MAGI2: variants seen among roughly 807,000 people sequenced by gnomAD.
MAGI2 encodes the protein membrane associated guanylate kinase, WW and PDZ domain containing 2, also known as membrane-associated guanylate kinase, WW and PDZ domain-containing protein 2.
MAGI2 carries 35 observed loss-of-function variants against 133.3 expected under a neutral mutation model. The ratio of observed to expected loss-of-function variants is 0.26; its 90% CI spans 0.20 to 0.35. The LOEUF is 0.35. Among genes scored for constraint, MAGI2 ranks in the 10% least tolerant of loss-of-function variants. MAGI2 has a pLI of 1.00. For synonymous variants in MAGI2, 729 were observed against 710.6 expected (o/e 1.03, Z -0.41); for missense variants, 1,636 against 1,863.4 (o/e 0.88, Z 2.25).
chr7:79,294,383 A>C (rs1836748455), intron 1 of MAGI2, among the ~76,000 whole-genome samples: 1 of 151,840 alleles, frequency 6.6e-6, no homozygotes. Flanking sequence ...AAAGCTAGAG[A>C]GGTTCCCATT....
chr7:78,045,520 T>TAATAGAATTAC (rs59794592), intron 21 of MAGI2, among the ~76,000 whole-genome samples: 9,189 of 152,270 alleles, frequency 0.06, 292 homozygotes, highest in African/African-American at 0.088. Flanking sequence ...TTAAGCACTT[T>TAATAGAATTAC]AATAGAATTA....
intron 2 of MAGI2, among the ~76,000 whole-genome samples, chr7:78,754,713 A>T (rs975393543): frequency 3.9e-5 from 6 of 152,216 alleles, no homozygotes; most frequent in African/African-American, 1.4e-4. Context: ...ATTAATTGGA[A>T]AATTAGATTT....
intron 1 of MAGI2, among the ~76,000 whole-genome samples, chr7:79,388,541 G>T (rs991388400): frequency 6.6e-6 from 1 of 151,754 alleles, no homozygotes; most frequent in Non-Finnish European, 1.5e-5. Context: ...TTAAGGAAAA[G>T]AATATTCAAA....
chr7:79,042,770 A>G (rs1224694402), intron 1 of MAGI2, among the ~76,000 whole-genome samples: 4 of 152,140 alleles, frequency 2.6e-5, no homozygotes, highest in African/African-American at 9.7e-5. Flanking sequence ...ACTCCACCCA[A>G]CAACAGAATA....
At chr7:78,922,669 T>C (rs1429629299) in intron 2 of MAGI2, among the ~76,000 whole-genome samples, 1 of 152,178 alleles carries the variant, frequency 6.6e-6, no homozygotes, top group African/African-American at 2.4e-5. Context: ...GTATGTGTCT[T>C]TATAGCAGCA....
At chr7:78,061,258 G>A (rs553344731) in intron 21 of MAGI2, among the ~76,000 whole-genome samples, 35 of 151,394 alleles carry the variant, frequency 2.3e-4, no homozygotes, top group African/African-American at 8.0e-4. Context: ...GAGCAGGGAA[G>A]ATATACCATA....
intron 1 of MAGI2, among the ~76,000 whole-genome samples, chr7:79,150,522 T>A (rs181247496): frequency 2.0e-4 from 30 of 152,338 alleles, no homozygotes; most frequent in Admixed American, 2.0e-3. Context: ...GTCAAATGAC[T>A]CATTTGTCTC....
chr7:78,736,785 T>C (rs891368785), intron 2 of MAGI2, among the ~76,000 whole-genome samples: 6 of 151,712 alleles, frequency 4.0e-5, no homozygotes, highest in African/African-American at 1.5e-4. Flanking sequence ...GTGGGGGGAG[T>C]GTCAGAGTGT....
intron 6 of MAGI2, among the ~76,000 whole-genome samples, chr7:78,480,437 C>A (rs1445101310): frequency 6.6e-5 from 10 of 151,588 alleles, no homozygotes; most frequent in Admixed American, 6.6e-4. Flanking sequence ...AACATAGACA[C>A]AAAAGACATA....
intron 1 of MAGI2, among the ~76,000 whole-genome samples, chr7:79,205,913 T>G (rs550128717): frequency 2.0e-5 from 3 of 148,876 alleles, no homozygotes; most frequent in African/African-American, 7.4e-5. Context: ...TCAAAACATA[T>G]CAATTAAAAA....
intron 1 of MAGI2, among the ~76,000 whole-genome samples, chr7:79,387,114 G>GTT (rs1214033846): frequency 6.6e-6 from 1 of 151,610 alleles, no homozygotes; most frequent in African/African-American, 2.4e-5. Flanking sequence ...GTGTGTGTGT[G>GTT]TGTGTGTGTG....
chr7:78,626,135 G>A (rs1038001507), intron 3 of MAGI2, among the ~76,000 whole-genome samples: 2 of 152,044 alleles, frequency 1.3e-5, no homozygotes, highest in Non-Finnish European at 2.9e-5. Flanking sequence ...CATGAATTTT[G>A]TTTTTAATAT....
At chr7:78,053,812 T>C (rs899329680) in intron 21 of MAGI2, among the ~76,000 whole-genome samples, 2 of 152,098 alleles carry the variant, frequency 1.3e-5, no homozygotes, top group African/African-American at 4.8e-5. Flanking sequence ...AGCTGAAAAA[T>C]TGTTTACTCT....
intron 20 of MAGI2, among the ~76,000 whole-genome samples, chr7:78,121,172 C>A (rs6466036): frequency 6.7e-6 from 1 of 149,994 alleles, no homozygotes. Flanking sequence ...TAAGAGAAGA[C>A]GTTTAAGACC....
chr7:78,693,915 TCTG>T lies in MAGI2; in HGVS notation c.419-66679_419-66677del, dbSNP rs1262767928. On this transcript the variant is annotated intron_variant, in intron 2 of 21. Coordinates refer to ENST00000354212, the MANE Select transcript of MAGI2 (RefSeq NM_012301.4). ...CACTTTGGATATCCTTAGAAAAGTG[TCTG>T]CTGCCATGATTTTGCTGGTCAGGAT... is the stretch of plus-strand genomic sequence containing the variant. 1.1e-4 allele frequency among the ~76,000 whole-genome samples: 17 copies of T among 152,296 alleles called. 1 individual carries two copies. Among genetic ancestry groups the T allele is most frequent in the African/African-American group, 4.1e-4 (17 of 41,566 alleles).
intron 16 of MAGI2, among the ~76,000 whole-genome samples, chr7:78,144,254 A>C (rs1823059752): frequency 6.6e-6 from 1 of 152,154 alleles, no homozygotes; most frequent in East Asian, 1.9e-4. Flanking sequence ...TGTGACCCAA[A>C]TGCAAACATT....
chr7:78,746,171 T>C (rs1452768454), intron 2 of MAGI2, among the ~76,000 whole-genome samples: 1 of 152,214 alleles, frequency 6.6e-6, no homozygotes, highest in Non-Finnish European at 1.5e-5. Context: ...GCATGCCTCC[T>C]GACTTTGTTT....
intron 1 of MAGI2, among the ~76,000 whole-genome samples, chr7:79,249,236 A>G (rs1453561680): frequency 6.6e-6 from 1 of 152,198 alleles, no homozygotes; most frequent in Non-Finnish European, 1.5e-5. Flanking sequence ...GAACAATCTT[A>G]TGATGCATCT....
intron 2 of MAGI2, among the ~76,000 whole-genome samples, chr7:78,663,765 T>G (rs771266766): frequency 2.0e-5 from 3 of 152,182 alleles, no homozygotes; most frequent in Non-Finnish European, 4.4e-5. Context: ...GAAATAGCCT[T>G]AATGCATAAC....
Sources: allele counts gnomAD v4.1 joint callset (sites outside exome capture counted in the v4.1 genomes callset), GRCh38; gene constraint gnomAD v4.1.1; transcripts MANE v1.5; gene names NCBI Gene and HGNC (gene_info 2026-07-23, HGNC 2026-07-21).